Variants in TMEM40 observed in about 807,000 individuals in gnomAD.
TMEM40 encodes transmembrane protein 40.
TMEM40 carries 34 observed loss-of-function variants against 40.8 expected under a neutral mutation model. That is an observed-to-expected ratio of 0.83 (90% CI 0.63 to 1.11). The LOEUF (loss-of-function observed/expected upper bound fraction) is 1.11. Among genes scored for constraint, TMEM40 ranks in the 50% least tolerant of loss-of-function variants. The probability of loss-of-function intolerance (pLI) is 0.00; values close to 1 mark genes in which losing one functional copy is unlikely to be tolerated. For synonymous variants in TMEM40, 106 were observed against 107.0 expected (o/e 0.99, Z 0.06); for missense variants, 296 against 280.2 (o/e 1.06, Z -0.40).
At position 12,755,144 on chromosome 3, in the gene TMEM40, CTCTT is replaced by C. The variant is rs1160804552; in HGVS notation, c.-9+4043_-9+4046del. The stretch of plus-strand genomic sequence containing the variant: ...TTCTATTCTTTTCTTTTCTTTCCTT[CTCTT>C]TCTTTCTTTCTCTTTCTTTCTTTCT... On this transcript the variant is annotated intron_variant, in intron 1 of 11. Transcript: ENST00000314124. 3.6e-4 allele frequency among the ~76,000 whole-genome samples: 52 copies of C among 142,712 alleles called. 1 individual carries two copies. In the South Asian group the frequency reaches 6.2e-3, roughly 17 times the overall value. The allele number at this position is 142,712 out of a possible 152,430, so 93.6% of individuals were successfully genotyped here. A position where few individuals can be genotyped will look rare whatever the true frequency, so the allele number is the denominator to read the frequency against.
intron 1 of TMEM40, among the ~76,000 whole-genome samples, chr3:12,751,912 T>C: frequency 6.6e-6 from 1 of 152,220 alleles, no homozygotes; most frequent in East Asian, 1.9e-4. Context: ...CATCCTGCTC[T>C]GTGTCCTGGT....
chr3:12,748,025 C>T (rs2061442679), intron 3 of TMEM40, among the ~76,000 whole-genome samples: 1 of 151,218 alleles, frequency 6.6e-6, no homozygotes, highest in Non-Finnish European at 1.5e-5. Flanking sequence ...ATTCAAAAGG[C>T]AAAAGCTTTC....
chr3:12,757,062 G>A (rs6774486), intron 1 of TMEM40, among the ~76,000 whole-genome samples: 16,281 of 152,072 alleles, frequency 0.11, 1,524 homozygotes, highest in African/African-American at 0.25. Context: ...TGGAAAAATG[G>A]GCATGCCTAC....
At chr3:12,752,761 C>T (rs1300431732) in intron 1 of TMEM40, among the ~76,000 whole-genome samples, 9 of 151,320 alleles carry the variant, frequency 5.9e-5, no homozygotes, top group African/African-American at 9.7e-5. Context: ...TGAGATCGCG[C>T]GACTGCACTC....
At chr3:12,753,340 C>T (rs1351732542) in intron 1 of TMEM40, among the ~76,000 whole-genome samples, 1 of 151,602 alleles carries the variant, frequency 6.6e-6, no homozygotes, top group Non-Finnish European at 1.5e-5. Flanking sequence ...CCTCAACCTC[C>T]CGAGTAGCTG....
intron 1 of TMEM40, among the ~76,000 whole-genome samples, chr3:12,754,065 C>T (rs1328498400): frequency 6.6e-6 from 1 of 152,194 alleles, no homozygotes; most frequent in Non-Finnish European, 1.5e-5. Context: ...CATGGAGCCA[C>T]ACGGGGCAAG....
Position 12,738,890 on chromosome 3 carries a change from C to T in TMEM40, c.356-302G>A, listed in dbSNP as rs147180057. The T allele has an allele frequency of 5.1e-4, 182 of 357,046 alleles. 1 individual carries two copies. In the East Asian group the frequency reaches 9.5e-3, roughly 19 times the overall value. The allele number at this position is 357,046 out of a possible 1,614,324, so 22.1% of individuals were successfully genotyped here. A position where few individuals can be genotyped will look rare whatever the true frequency, so the allele number is the denominator to read the frequency against. ...AAAGTTTGGGCCGCACGCGGTGGCT[C>T]ATGCCTGTAATACCAGCACTTTGGG... On this transcript the variant is annotated intron_variant, in intron 5 of 11. Transcript: ENST00000314124.
At chr3:12,768,367 T>G (rs1436515447) in intron 1 of TMEM40, among the ~76,000 whole-genome samples, 1 of 131,220 alleles carries the variant, frequency 7.6e-6, no homozygotes, top group African/African-American at 2.6e-5. Context: ...CAGCCTGCTT[T>G]TATTCTCTTA....
Position 12,744,009 on chromosome 3 carries a change from G to C in TMEM40, c.212-20C>G, listed in dbSNP as rs780430189. On this transcript the variant is annotated intron_variant, in intron 3 of 11. Coordinates refer to ENST00000314124, the MANE Select transcript of TMEM40 (RefSeq NM_018306.4). ...TGCTCTCTGCGGGTAACAAACACAA[G>C]CTGTAGGAGAAGCTCAGCCTGGAAC... is the stretch of plus-strand genomic sequence containing the variant. 6.2e-7 allele frequency: 1 copy of C among 1,608,074 alleles called. No homozygotes were observed. The highest frequency in any genetic ancestry group is 1.1e-5 in the South Asian group (1 of 89,326).
chr3:12,756,926 C>T (rs1469072208), intron 1 of TMEM40, among the ~76,000 whole-genome samples: 2 of 151,960 alleles, frequency 1.3e-5, no homozygotes, highest in African/African-American at 4.8e-5. Flanking sequence ...TAGCATCCAG[C>T]ACAAGAGCTT....
At chr3:12,737,833 G>T in intron 7 of TMEM40, 79 bp from the exon 8 acceptor site, 1 of 1,392,688 alleles carries the variant, frequency 7.2e-7, no homozygotes, top group Non-Finnish European at 1.0e-6. Flanking sequence ...GCCTCATTGA[G>T]AATTAATATC....
chr3:12,736,789 C>G lies in TMEM40; in HGVS notation c.519G>C (p.Leu173Phe). 6.2e-7 allele frequency: 1 copy of G among 1,614,124 alleles called. No homozygotes were observed. The highest frequency in any genetic ancestry group is 8.5e-7 in the Non-Finnish European group (1 of 1,180,024). The part of the protein sequence containing the change: ...FVLLCFAIGA[L>F]LVCYHYYADW... ...CTGCGTAATAGTGATAACACACCAG[C>G]AAGGCCCCGATGGCAAAGCACAGGA... Residue 173 changes from leucine (L) to phenylalanine (F), a missense_variant, in exon 9 of 12, where the codon TTG (leucine) becomes TTC (phenylalanine). Coordinates refer to ENST00000314124, the MANE Select transcript of TMEM40 (RefSeq NM_018306.4).
intron 3 of TMEM40, among the ~76,000 whole-genome samples, chr3:12,746,304 C>G (rs911145813): frequency 6.6e-6 from 1 of 152,170 alleles, no homozygotes; most frequent in Non-Finnish European, 1.5e-5. Flanking sequence ...ATATTTGGTG[C>G]TCAGTAAATA....
Position 12,736,619 on chromosome 3 carries a change from G to A in TMEM40, c.578C>T (p.Thr193Ile), listed in dbSNP as rs773049502. The change falls in exon 10 of 12, where the codon ACC becomes ATC. Residue 193 changes from threonine (T) to isoleucine (I), a missense_variant. Physicochemically the swap from Thr to Ile is moderately conservative, Grantham distance 89. Transcript: ENST00000314124. ...WFMSLGVGLL[T>I]FASLETVGIY... The stretch of plus-strand genomic sequence containing the variant: ...GCCAACGGTTTCCAGGGAGGCGAAG[G>A]TGAGCAGGCCGACCCCAAGAGACAT... 1.9e-6 allele frequency: 3 copies of A among 1,576,882 alleles called. No individual in the cohort carries two copies. The highest frequency in any genetic ancestry group is 2.6e-6 in the Non-Finnish European group (3 of 1,161,074).
At chr3:12,737,368 C>T (rs1031673580) in intron 8 of TMEM40, 6 of 354,250 alleles carry the variant, frequency 1.7e-5, no homozygotes, top group Non-Finnish European at 2.5e-5. Context: ...GCTCAGCTGA[C>T]CCTCCAGTTC....
intron 5 of TMEM40, among the ~76,000 whole-genome samples, chr3:12,739,471 A>G (rs2061364582): frequency 6.6e-6 from 1 of 151,986 alleles, no homozygotes; most frequent in South Asian, 2.1e-4. Context: ...TTTTTAGTAG[A>G]GACGGGGTTT....
chr3:12,756,640 G>A (rs1200563358), intron 1 of TMEM40, among the ~76,000 whole-genome samples: 1 of 152,138 alleles, frequency 6.6e-6, no homozygotes, highest in African/African-American at 2.4e-5. Context: ...ACTTGGTGTA[G>A]TGTTGAGTCA....
chr3:12,767,903 C>T (rs568436538), intron 1 of TMEM40, among the ~76,000 whole-genome samples: 32 of 152,190 alleles, frequency 2.1e-4, no homozygotes, highest in African/African-American at 7.7e-4. Context: ...GTCCAGGAAG[C>T]AAAACTTGTG....
At chr3:12,741,370 T>G (rs573561416) in intron 5 of TMEM40, 1 of 152,370 alleles carries the variant, frequency 6.6e-6, no homozygotes, top group African/African-American at 2.4e-5. Context: ...CCCCGACTTC[T>G]GTAGTTTCCT....
Sources: allele counts gnomAD v4.1 joint callset (sites outside exome capture counted in the v4.1 genomes callset), GRCh38; gene constraint gnomAD v4.1.1; transcripts MANE v1.5; gene names NCBI Gene and HGNC (gene_info 2026-07-23, HGNC 2026-07-21).